ARHGAP8: variants seen among roughly 807,000 people sequenced by gnomAD.
ARHGAP8 encodes the protein Rho GTPase activating protein 8.
A neutral mutation model predicts 46.1 loss-of-function variants in ARHGAP8; 62 were observed. The observed-to-expected ratio is 1.34, with a 90% CI of 1.10 to 1.66. The LOEUF is 1.66. Among genes scored for constraint, ARHGAP8 ranks in the 40% most tolerant of loss-of-function variants. The pLI, the probability that ARHGAP8 is intolerant of heterozygous loss-of-function variation, is 0.00. For synonymous variants in ARHGAP8, 375 were observed against 243.1 expected (o/e 1.54, Z -5.05); for missense variants, 923 against 568.4 (o/e 1.62, Z -6.34).
chr22:44,776,688 C>T (rs1926447742), intron 1 of ARHGAP8, among the ~76,000 whole-genome samples: 1 of 152,232 alleles, frequency 6.6e-6, no homozygotes, highest in South Asian at 2.1e-4. Flanking sequence ...CTTGCCGGTT[C>T]CCAGCACTGG....
rs565242507 is a variant in ARHGAP8 at position 44,831,458 on chromosome 22, G to A, written c.596+5865G>A. 2.6e-5 allele frequency among the ~76,000 whole-genome samples: 4 copies of A among 152,288 alleles called. No homozygotes were observed. The East Asian group carries it at 7.7e-4, about 29-fold the overall frequency. On this transcript the variant is annotated intron_variant, in intron 7 of 11. Transcript: ENST00000356099. ...CGCCTATAATCCCAGCACTTTGGGA[G>A]GCTGAGGCGGGTGGATCACCTGAGG...
rs1602128451 is a variant in ARHGAP8 at position 44,752,698 on chromosome 22, G to T, written c.-72+71G>T. On this transcript the variant is annotated intron_variant, in intron 1 of 11. Coordinates refer to ENST00000356099, the MANE Select transcript of ARHGAP8 (RefSeq NM_181335.3). The stretch of plus-strand genomic sequence containing the variant: ...GCTCGGGGTGGGGGGGTGCGCCGCG[G>T]GGGCTCCCAGGGCGTGTACGGGGAC... 4.6e-5 allele frequency: 7 copies of T among 150,934 alleles called. 1 individual carries two copies. The highest frequency in any genetic ancestry group is 4.6e-4 in the Admixed American group (7 of 15,198). 9.3% of individuals were successfully genotyped at this position (150,934 alleles called of 1,614,324 possible).
intron 1 of ARHGAP8, among the ~76,000 whole-genome samples, chr22:44,780,050 G>A (rs1017103869): frequency 8.5e-5 from 13 of 152,314 alleles, no homozygotes; most frequent in Admixed American, 4.6e-4. Flanking sequence ...CCAGGTGAGC[G>A]TGTCCGGGCT....
chr22:44,838,357 C>G (rs866884551), intron 7 of ARHGAP8, among the ~76,000 whole-genome samples: 6 of 152,142 alleles, frequency 3.9e-5, no homozygotes, highest in African/African-American at 7.2e-5. Context: ...AGGCTGGTCT[C>G]GAACTCCTGA....
chr22:44,825,364 C>T (rs1014926841), intron 6 of ARHGAP8, 119 bp from the exon 7 acceptor site: 14 of 1,013,738 alleles, frequency 1.4e-5, no homozygotes, highest in South Asian at 6.6e-5. Flanking sequence ...GTGGCACGTG[C>T]GCCCAGAGGG....
chr22:44,774,616 G>A (rs1163532782), intron 1 of ARHGAP8, among the ~76,000 whole-genome samples: 4 of 147,928 alleles, frequency 2.7e-5, no homozygotes, highest in African/African-American at 5.0e-5. Context: ...TCTGCCTCCC[G>A]GGTTCAAGTG....
chr22:44,828,528 C>T (rs1464335023), intron 7 of ARHGAP8, among the ~76,000 whole-genome samples: 3 of 151,340 alleles, frequency 2.0e-5, no homozygotes, highest in Non-Finnish European at 4.4e-5. Flanking sequence ...CGGCTCCCTG[C>T]AACCTCCGCC....
In ARHGAP8 at chr22:44,797,590, TGAA is replaced by T. The variant is rs1928182898; in HGVS notation, c.80-4484_80-4482del. ...CCAGAATTCGTAAGGAACTGTGAAATGAAGAGGATGCTGTATTTGGAAGCTGTG... is the reference window on the plus strand; with the variant it reads ...CCAGAATTCGTAAGGAACTGTGAAATGAGGATGCTGTATTTGGAAGCTGTG... On this transcript the variant is annotated intron_variant, in intron 2 of 11. Coordinates refer to ENST00000356099, the MANE Select transcript of ARHGAP8 (RefSeq NM_181335.3). 2.6e-5 allele frequency among the ~76,000 whole-genome samples: 4 copies of T among 152,236 alleles called. 1 individual carries two copies. In the South Asian group the frequency reaches 8.3e-4, roughly 32 times the overall value.
chr22:44,848,848 A>G (rs2070024637), intron 9 of ARHGAP8, 84 bp from the exon 10 acceptor site: 1 of 1,586,460 alleles, frequency 6.3e-7, no homozygotes, highest in Non-Finnish European at 8.6e-7. Flanking sequence ...CGGACATCTC[A>G]CGCCCTGTGT....
chr22:44,804,971 C>T (rs560646755), intron 3 of ARHGAP8, among the ~76,000 whole-genome samples: 2 of 152,288 alleles, frequency 1.3e-5, no homozygotes, highest in Non-Finnish European at 2.9e-5. Flanking sequence ...GATCCTGGTG[C>T]TGATTACCCC....
chr22:44,813,248 A>G (rs1226076679), intron 4 of ARHGAP8, among the ~76,000 whole-genome samples: 1 of 151,736 alleles, frequency 6.6e-6, no homozygotes, highest in Non-Finnish European at 1.5e-5. Context: ...GTACATATAC[A>G]TACACTTACA....
chr22:44,853,157 G>C (rs887722317), intron 10 of ARHGAP8, among the ~76,000 whole-genome samples: 14 of 152,256 alleles, frequency 9.2e-5, no homozygotes, highest in African/African-American at 3.1e-4. Context: ...CCTAGATGTT[G>C]GCTTGAAGTA....
In ARHGAP8 at chr22:44,762,917, A is replaced by G. The variant is rs183328146; in HGVS notation, c.-72+10290A>G. Among the ~76,000 whole-genome samples the G allele has an allele frequency of 6.4e-3, 969 of 152,278 alleles. 4 individuals are homozygous for G. The highest frequency in any genetic ancestry group is 0.017 in the Middle Eastern group (5 of 294). On this transcript the variant is annotated intron_variant, in intron 1 of 11. Transcript: ENST00000356099. Reference sequence around the variant, plus strand: ...CTCAAGGAGGGGCCTAGATAGCTTCAGGATGGGGGCTGTCCCAGAGGAACC... The same window carrying G: ...CTCAAGGAGGGGCCTAGATAGCTTCGGGATGGGGGCTGTCCCAGAGGAACC...
chr22:44,824,634 CTTT>C (rs10571764), intron 6 of ARHGAP8, among the ~76,000 whole-genome samples: 538 of 131,710 alleles, frequency 4.1e-3, no homozygotes, highest in Middle Eastern at 0.015. Context: ...TTCTTCTTTT[CTTT>C]TTTTTTTTTT....
chr22:44,813,619 T>C (rs1929516780), intron 4 of ARHGAP8, among the ~76,000 whole-genome samples: 1 of 149,702 alleles, frequency 6.7e-6, no homozygotes, highest in South Asian at 2.1e-4. Context: ...ACACTTACGC[T>C]TACTTATATC....
chr22:44,785,109 G>A (rs1021259289), intron 1 of ARHGAP8, among the ~76,000 whole-genome samples: 5 of 152,272 alleles, frequency 3.3e-5, no homozygotes, highest in South Asian at 2.1e-4. Context: ...CCCGCCTCAC[G>A]CTCCCTCCTC....
intron 11 of ARHGAP8, 42 bp from the exon 12 acceptor site, chr22:44,862,233 C>G: frequency 2.6e-6 from 4 of 1,550,388 alleles, no homozygotes; most frequent in South Asian, 1.2e-5. Flanking sequence ...GCCCGTGCCC[C>G]TTGGTGTTCA....
intron 7 of ARHGAP8, among the ~76,000 whole-genome samples, chr22:44,842,685 G>A (rs1409078212): frequency 6.6e-6 from 1 of 152,166 alleles, no homozygotes; most frequent in Admixed American, 6.5e-5. Flanking sequence ...TGGCAGGCAG[G>A]AGCCCAGCCT....
At chr22:44,842,595 G>T (rs1931726444) in intron 7 of ARHGAP8, among the ~76,000 whole-genome samples, 1 of 152,142 alleles carries the variant, frequency 6.6e-6, no homozygotes, top group Non-Finnish European at 1.5e-5. Context: ...CGAGAGGAAA[G>T]TCCCTCATCC....
Sources: gnomAD v4.1 joint callset for allele counts (sites outside exome capture counted in the v4.1 genomes callset) on GRCh38, gnomAD v4.1.1 for gene constraint, MANE v1.5 for transcripts, NCBI Gene and HGNC (gene_info 2026-07-23, HGNC 2026-07-21) for gene names.